The following ODAM variants were observed in gnomAD, a reference collection of about 807,000 sequenced individuals.
ODAM encodes the protein odontogenic, ameloblast associated, also known as odontogenic ameloblast-associated protein.
In ODAM, 55 loss-of-function variants were observed where a neutral mutation model predicts 48.5. That is an observed-to-expected ratio of 1.13 (90% CI 0.91 to 1.42). The LOEUF (loss-of-function observed/expected upper bound fraction) is 1.42. Among genes scored for constraint, ODAM ranks in the 40% most tolerant of loss-of-function variants. The probability of loss-of-function intolerance (pLI) is 0.00; values close to 1 mark genes in which losing one functional copy is unlikely to be tolerated. For missense variants in ODAM, 353 were observed against 323.6 expected (o/e 1.09, Z -0.70); for synonymous variants, 127 against 107.8 (o/e 1.18, Z -1.10).
intron 8 of ODAM, 63 bp from the exon 9 acceptor site, chr4:70,202,195 G>T: frequency 8.6e-7 from 1 of 1,166,018 alleles, no homozygotes; most frequent in Non-Finnish European, 1.3e-6. Flanking sequence ...TACTCTGGGT[G>T]GCCAAAGAGC....
rs773367929 is a variant in ODAM, at chr4:70,202,889, C to G, written c.782C>G (p.Thr261Ser). ...GTTTTCACTTCTGCTGTAGACCAAA[C>G]TATTACCCCAGAGCTCCCAGAAGAG... ...TNVFTSAVDQ[T>S]ITPELPEEKD... is the part of the protein sequence containing the mutation. The change falls in exon 10 of 12, where the codon ACT becomes AGT. Residue 261 changes from threonine to serine, a missense_variant. Transcript: ENST00000683306. The G allele has an allele frequency of 6.2e-7, 1 of 1,611,826 alleles. No homozygotes were observed. The highest frequency in any genetic ancestry group is 8.5e-7 in the Non-Finnish European group (1 of 1,178,860).
intron 7 of ODAM, 50 bp from the exon 8 acceptor site, chr4:70,201,404 G>A (rs770656947): frequency 7.5e-5 from 67 of 895,972 alleles, no homozygotes; most frequent in South Asian, 6.1e-4. Flanking sequence ...GCAAACTTAC[G>A]ACAAGAATAA....
Position 70,197,933 on chromosome 4 carries a change from A to C in ODAM, c.151A>C (p.Asn51His). 2 of 1,612,636 alleles carry C rather than the reference A, an allele frequency of 1.2e-6. No homozygotes were observed. The highest frequency in any genetic ancestry group is 1.7e-4 in the Middle Eastern group (1 of 6,042). ...LLPLQLQGPL[N>H]SWIPPFSGIL... ...CTTTGTGTCTTTTTAGGGCCCACTTAATTCATGGATTCCACCTTTCTCTGG... is the reference window on the plus strand; with the variant it reads ...CTTTGTGTCTTTTTAGGGCCCACTTCATTCATGGATTCCACCTTTCTCTGG... The change falls in exon 5 of 12, where the codon AAT becomes CAT. Residue 51 changes from asparagine to histidine, a missense_variant. Physicochemically the swap from Asn to His is moderately conservative, Grantham distance 68 (BLOSUM62 1). Transcript: ENST00000683306.
intron 1 of ODAM, 163 bp from the exon 2 acceptor site, chr4:70,196,366 A>C (rs1360950070): frequency 5.8e-6 from 3 of 516,012 alleles, no homozygotes; most frequent in Non-Finnish European, 1.0e-5. Context: ...AAAGAGTTAT[A>C]TCAGAAATTT....
intron 6 of ODAM, 148 bp from the exon 7 acceptor site, chr4:70,200,349 G>C: frequency 1.9e-6 from 1 of 531,644 alleles, no homozygotes; most frequent in Non-Finnish European, 3.3e-6. Flanking sequence ...AGTTTGGGAA[G>C]GGATTCTTCA....
intron 11 of ODAM, 133 bp downstream of exon 11, chr4:70,203,347 C>CCTG: frequency 2.0e-6 from 1 of 505,232 alleles, no homozygotes; most frequent in South Asian, 3.7e-5. Context: ...CTATATATAC[C>CCTG]TATAAAATTA....
chr4:70,202,376 G>T, intron 9 of ODAM, 47 bp downstream of exon 9: 1 of 1,380,278 alleles, frequency 7.2e-7, no homozygotes, highest in Non-Finnish European at 1.0e-6. Context: ...ATCAACAATT[G>T]ACAACTTACT....
At position 70,197,929 on chromosome 4, in the gene ODAM, A is replaced by C. The variant is rs1384799367; in HGVS notation, c.147A>C (p.Pro49=). The change falls in exon 5 of 12, where the codon CCA becomes CCC. Residue 49 remains proline (P), a synonymous_variant. Transcript: ENST00000683306. ...GQLLPLQLQG[P]LNSWIPPFSG... is the part of the protein sequence containing the mutation. ...TTTCCTTTGTGTCTTTTTAGGGCCC[A>C]CTTAATTCATGGATTCCACCTTTCT... 4 of 1,612,592 alleles carry C rather than the reference A, an allele frequency of 2.5e-6. No homozygotes were observed. The highest frequency in any genetic ancestry group is 3.4e-6 in the Non-Finnish European group (4 of 1,179,100).
At chr4:70,201,406 CAAG>C in intron 7 of ODAM, 45 bp from the exon 8 acceptor site, 1 of 915,190 alleles carries the variant, frequency 1.1e-6, no homozygotes, top group Non-Finnish European at 1.7e-6. Flanking sequence ...AAACTTACGA[CAAG>C]AATAATCACA....
At chr4:70,196,364 A>G in intron 1 of ODAM, 165 bp from the exon 2 acceptor site, 1 of 514,600 alleles carries the variant, frequency 1.9e-6, no homozygotes, top group Non-Finnish European at 3.5e-6. Context: ...ATAAAGAGTT[A>G]TATCAGAAAT....
chr4:70,197,519 T>A (rs1477002511), intron 4 of ODAM, among the ~76,000 whole-genome samples, 198 bp downstream of exon 4: 1 of 152,056 alleles, frequency 6.6e-6, no homozygotes, highest in Non-Finnish European at 1.5e-5. Flanking sequence ...CACTTATTTA[T>A]TGAGAACTTG....
At chr4:70,196,787 G>A (rs1443502993) in intron 3 of ODAM, 54 bp downstream of exon 3, 12 of 1,417,168 alleles carry the variant, frequency 8.5e-6, no homozygotes, top group Non-Finnish European at 7.8e-6. Flanking sequence ...AAATCAAGTG[G>A]GAAGAGATAG....
At chr4:70,201,269 G>T (rs888435805) in intron 7 of ODAM, among the ~76,000 whole-genome samples, 185 bp from the exon 8 acceptor site, 2 of 151,586 alleles carry the variant, frequency 1.3e-5, no homozygotes, top group Non-Finnish European at 2.9e-5. Context: ...TCCTAGAAAT[G>T]ATATGGTATT....
At chr4:70,202,443 T>A in intron 9 of ODAM, 114 bp downstream of exon 9, 1 of 858,226 alleles carries the variant, frequency 1.2e-6, no homozygotes. Context: ...AATTTTTGCT[T>A]CTTCTTCTTC....
intron 9 of ODAM, 102 bp from the exon 10 acceptor site, chr4:70,202,653 TA>T: frequency 1.2e-6 from 1 of 811,132 alleles, no homozygotes. Flanking sequence ...TTTTTTAATA[TA>T]ATGCTTTTGT....
intron 6 of ODAM, among the ~76,000 whole-genome samples, chr4:70,199,570 C>T (rs1729451594): frequency 6.6e-6 from 1 of 151,948 alleles, no homozygotes; most frequent in Non-Finnish European, 1.5e-5. Context: ...CTTCTGTCTC[C>T]TTTAACCATG....
Position 70,202,435 on chromosome 4 carries a change from T to C in ODAM, c.648+106T>C, listed in dbSNP as rs1286556832. ...AACTCTGTTGTAATTCCATCAATAATTTTTGCTTCTTCTTCTTCTTACAAT... is the reference window on the plus strand; with the variant it reads ...AACTCTGTTGTAATTCCATCAATAACTTTTGCTTCTTCTTCTTCTTACAAT... On this transcript the variant is annotated intron_variant, in intron 9 of 11. Transcript: ENST00000683306. The C allele has an allele frequency of 5.2e-6, 5 of 952,394 alleles. No homozygotes were observed. The Admixed American group carries it at 6.0e-5, about 11-fold the overall frequency. 59.0% of individuals were successfully genotyped at this position (952,394 alleles called of 1,614,324 possible).
rs966211789 is a variant in ODAM, at chr4:70,203,938, T to C, written c.*30-237T>C. Among the ~76,000 whole-genome samples, 4 of 151,954 alleles carry C rather than the reference T, an allele frequency of 2.6e-5. 1 individual carries two copies. Among genetic ancestry groups the C allele is most frequent in the South Asian group, 4.1e-4 (2 of 4,832 alleles). ...AAAAACACAACCAAGTGAACAGTAA[T>C]AATACCTCTTTAGGAAAGCCTCCTT... is the stretch of plus-strand genomic sequence containing the variant. On this transcript the variant is annotated intron_variant, in intron 11 of 11. Transcript: ENST00000683306.
chr4:70,199,580 G>A (rs1396324794), intron 6 of ODAM, among the ~76,000 whole-genome samples: 1 of 151,924 alleles, frequency 6.6e-6, no homozygotes, highest in South Asian at 2.1e-4. Context: ...CTTTAACCAT[G>A]AAACCAGTAG....
Sources: gnomAD v4.1 joint callset for allele counts (sites outside exome capture counted in the v4.1 genomes callset) on GRCh38, gnomAD v4.1.1 for gene constraint, MANE v1.5 for transcripts, NCBI Gene and HGNC (gene_info 2026-07-23, HGNC 2026-07-21) for gene names.